The following FHIT variants were observed in gnomAD, a reference collection of about 807,000 sequenced individuals.
FHIT encodes bis(5'-adenosyl)-triphosphatase.
A neutral mutation model predicts 17.9 loss-of-function variants in FHIT; 19 were observed. The ratio of observed to expected loss-of-function variants is 1.06; its 90% CI spans 0.74 to 1.56. The LOEUF (loss-of-function observed/expected upper bound fraction) is 1.56. FHIT is among the 40% of genes most tolerant of loss of function. The pLI is 0.00. For synonymous variants in FHIT, 81 were observed against 69.7 expected (o/e 1.16, Z -0.81); for missense variants, 248 against 189.2 (o/e 1.31, Z -1.82).
intron 5 of FHIT, among the ~76,000 whole-genome samples, chr3:60,126,602 T>A (rs530755062): frequency 3.9e-5 from 6 of 152,154 alleles, no homozygotes; most frequent in Non-Finnish European, 8.8e-5. Flanking sequence ...CTTGGAAATA[T>A]AAAACCCACA....
At chr3:60,279,395 T>C (rs1366283349) in intron 5 of FHIT, among the ~76,000 whole-genome samples, 3 of 152,172 alleles carry the variant, frequency 2.0e-5, no homozygotes, top group Non-Finnish European at 2.9e-5. Flanking sequence ...TGTATCTTTT[T>C]AAAACATTGA....
At chr3:60,496,808 G>A (rs1180971584) in intron 5 of FHIT, among the ~76,000 whole-genome samples, 1 of 152,146 alleles carries the variant, frequency 6.6e-6, no homozygotes, top group Non-Finnish European at 1.5e-5. Context: ...ATGAAAGAAT[G>A]AGGGCTTCAT....
rs572444464 is a variant in FHIT, at chr3:60,021,547, A to G, written c.104-7395T>C. Among the ~76,000 whole-genome samples, 7 of 152,348 alleles carry G rather than the reference A, an allele frequency of 4.6e-5. 1 individual carries two copies. In the South Asian group the frequency reaches 1.4e-3, roughly 32 times the overall value. On this transcript the variant is annotated intron_variant, in intron 5 of 9. Transcript: ENST00000492590. ...CTCATATAAACTAAGTATGTGGGAA[A>G]GAAGTAAATGATATCATTAAAGGAA...
chr3:60,446,745 C>T (rs2031360126), intron 5 of FHIT, among the ~76,000 whole-genome samples: 1 of 151,796 alleles, frequency 6.6e-6, no homozygotes. Flanking sequence ...ACAAGCTATT[C>T]AGGAGGCTGA....
intron 7 of FHIT, among the ~76,000 whole-genome samples, chr3:59,949,822 T>C (rs1001221285): frequency 9.2e-5 from 14 of 152,222 alleles, no homozygotes; most frequent in Non-Finnish European, 2.1e-4. Flanking sequence ...ATTTCTAGCC[T>C]TATATTTAAT....
At chr3:60,046,129 G>A (rs1487332748) in intron 5 of FHIT, among the ~76,000 whole-genome samples, 1 of 152,166 alleles carries the variant, frequency 6.6e-6, no homozygotes, top group Non-Finnish European at 1.5e-5. Context: ...TGGGTCATAT[G>A]TGTAAAACGA....
At chr3:59,852,455 T>C (rs1701979156) in intron 8 of FHIT, among the ~76,000 whole-genome samples, 1 of 152,136 alleles carries the variant, frequency 6.6e-6, no homozygotes, top group African/African-American at 2.4e-5. Flanking sequence ...GCCCCACATA[T>C]GTTGCCTCCC....
At chr3:61,070,183 C>T (rs1372651864) in intron 2 of FHIT, among the ~76,000 whole-genome samples, 1 of 152,138 alleles carries the variant, frequency 6.6e-6, no homozygotes, top group Non-Finnish European at 1.5e-5. Context: ...CATGAGCCGT[C>T]GTTCCTGACC....
chr3:60,526,737 A>T (rs2035589886), intron 5 of FHIT, among the ~76,000 whole-genome samples: 2 of 152,104 alleles, frequency 1.3e-5, no homozygotes, highest in Non-Finnish European at 2.9e-5. Flanking sequence ...CTCCAAAAGC[A>T]ATTGTACCTC....
chr3:60,387,852 G>A (rs758459059), intron 5 of FHIT, among the ~76,000 whole-genome samples: 7 of 152,090 alleles, frequency 4.6e-5, no homozygotes, highest in East Asian at 3.9e-4. Flanking sequence ...GTTAAGGCTC[G>A]ATGACAGGTG....
chr3:59,971,806 G>A (rs1423367994), intron 7 of FHIT, among the ~76,000 whole-genome samples: 1 of 152,112 alleles, frequency 6.6e-6, no homozygotes, highest in African/African-American at 2.4e-5. Context: ...TATACTGTGG[G>A]CATTTCAAGG....
intron 5 of FHIT, among the ~76,000 whole-genome samples, chr3:60,322,626 C>T (rs1024010466): frequency 1.3e-4 from 20 of 152,172 alleles, no homozygotes; most frequent in African/African-American, 4.3e-4. Context: ...TAACACCTCA[C>T]CCAGAATGTC....
intron 5 of FHIT, among the ~76,000 whole-genome samples, chr3:60,481,144 G>A (rs1051992770): frequency 2.0e-5 from 3 of 152,106 alleles, no homozygotes; most frequent in Admixed American, 2.0e-4. Context: ...GAAGAGGAGT[G>A]AACAAAACCT....
intron 8 of FHIT, 97 bp downstream of exon 8, chr3:59,922,249 C>G: frequency 9.2e-7 from 1 of 1,086,934 alleles, no homozygotes; most frequent in South Asian, 1.3e-5. Context: ...AATTCCATTT[C>G]AGACCATATC....
At chr3:60,362,662 C>A (rs1017617442) in intron 5 of FHIT, among the ~76,000 whole-genome samples, 3 of 152,182 alleles carry the variant, frequency 2.0e-5, no homozygotes, top group Admixed American at 2.0e-4. Flanking sequence ...ATTTTTATCA[C>A]CTACGTGAAC....
At chr3:60,974,888 T>C (rs1396492319) in intron 3 of FHIT, among the ~76,000 whole-genome samples, 1 of 152,218 alleles carries the variant, frequency 6.6e-6, no homozygotes, top group Non-Finnish European at 1.5e-5. Context: ...TAGAGTATTA[T>C]TGGCATTTTT....
intron 2 of FHIT, among the ~76,000 whole-genome samples, chr3:61,077,696 T>G (rs1373357710): frequency 6.6e-6 from 1 of 152,092 alleles, no homozygotes; most frequent in African/African-American, 2.4e-5. Context: ...CTGGAAAGCC[T>G]TTTTCAAAGT....
At chr3:60,156,764 T>C (rs1343147384) in intron 5 of FHIT, among the ~76,000 whole-genome samples, 2 of 152,072 alleles carry the variant, frequency 1.3e-5, no homozygotes, top group African/African-American at 4.8e-5. Context: ...AATAAATAAG[T>C]ATAAAGCAAA....
At chr3:60,621,439 G>A (rs528656457) in intron 4 of FHIT, among the ~76,000 whole-genome samples, 18 of 152,030 alleles carry the variant, frequency 1.2e-4, no homozygotes, top group African/African-American at 1.7e-4. Flanking sequence ...ACTAGCTACC[G>A]TGCCCAGCCC....
Sources: gnomAD v4.1 joint callset for allele counts (sites outside exome capture counted in the v4.1 genomes callset) on GRCh38, gnomAD v4.1.1 for gene constraint, MANE v1.5 for transcripts, NCBI Gene and HGNC (gene_info 2026-07-23, HGNC 2026-07-21) for gene names.